The following SUZ12 variants were observed in gnomAD, a reference collection of about 807,000 sequenced individuals.
SUZ12 encodes the protein polycomb protein SUZ12.
SUZ12 carries 17 observed loss-of-function variants against 87.3 expected under a neutral mutation model. The observed-to-expected ratio is 0.19, with a 90% confidence interval of 0.13 to 0.29. The LOEUF (loss-of-function observed/expected upper bound fraction) is 0.29. Ranked by LOEUF, SUZ12 falls within the 10% of genes least tolerant of loss-of-function variation. The probability of loss-of-function intolerance (pLI) is 1.00; values close to 1 mark genes in which losing one functional copy is unlikely to be tolerated. For synonymous variants in SUZ12, 253 were observed against 312.4 expected (o/e 0.81, Z 2.01); for missense variants, 526 against 912.2 (o/e 0.58, Z 5.45).
chr17:31,967,782 C>T (rs938011739), intron 5 of SUZ12, among the ~76,000 whole-genome samples: 7 of 152,174 alleles, frequency 4.6e-5, no homozygotes, highest in Admixed American at 2.6e-4. Context: ...GGCAGGATGG[C>T]GTAAGCTCAG....
At chr17:31,941,183 G>C (rs1490200032) in intron 3 of SUZ12, among the ~76,000 whole-genome samples, 1 of 148,504 alleles carries the variant, frequency 6.7e-6, no homozygotes, top group African/African-American at 2.5e-5. Flanking sequence ...CTCACTGCAA[G>C]CTCCGCCTCC....
chr17:31,937,106 T>A lies in SUZ12; in HGVS notation c.-141T>A. ...CTCCTTCCCTCCTCTCCTCCTCCCT[T>A]CCCTTCCCCTCTCCTCCCCTCTCTC... On this transcript the variant is annotated 5_prime_UTR_variant, in exon 1 of 16. Transcript: ENST00000322652. 1 of 681,820 alleles carries A rather than the reference T, an allele frequency of 1.5e-6. No individual in the cohort carries two copies. The highest frequency in any genetic ancestry group is 2.2e-6 in the Non-Finnish European group (1 of 462,290). The allele number at this position is 681,820 out of a possible 1,614,324, so 42.2% of individuals were successfully genotyped here.
At chr17:31,989,973 T>G (rs1435039235) in intron 10 of SUZ12, among the ~76,000 whole-genome samples, 2 of 144,402 alleles carry the variant, frequency 1.4e-5, no homozygotes, top group Non-Finnish European at 3.0e-5. Flanking sequence ...TTTGTTGTTT[T>G]CTTTTTTGAG....
chr17:31,942,444 T>C (rs1906357868), intron 3 of SUZ12, among the ~76,000 whole-genome samples: 1 of 152,110 alleles, frequency 6.6e-6, no homozygotes, highest in African/African-American at 2.4e-5. Context: ...CAAGGGATTA[T>C]CCTGTCTCAG....
chr17:31,996,340 T>TG (rs1266570937), intron 14 of SUZ12, among the ~76,000 whole-genome samples: 4 of 152,084 alleles, frequency 2.6e-5, no homozygotes, highest in African/African-American at 9.7e-5. Flanking sequence ...TGACGGCAGG[T>TG]GTGCTGGCTC....
At position 31,947,623 on chromosome 17, in the gene SUZ12, A is replaced by G. The variant is rs763335819; in HGVS notation, c.393A>G (p.Thr131=). The change falls in exon 4 of 16, where the codon ACA becomes ACG. Residue 131 remains threonine, a synonymous_variant. Coordinates refer to ENST00000322652, the MANE Select transcript of SUZ12 (RefSeq NM_015355.4). ...RNSRTNIKRK[T]FKVDDMLSKV... Reference sequence around the variant, plus strand: ...GTTTATCTGTTTCTTCCAGGAAAACATTTAAAGTTGATGATATGTTATCAA... The same window carrying G: ...GTTTATCTGTTTCTTCCAGGAAAACGTTTAAAGTTGATGATATGTTATCAA... 1.8e-5 allele frequency: 28 copies of G among 1,599,430 alleles called. No homozygotes were observed. The highest frequency in any genetic ancestry group is 2.3e-5 in the Non-Finnish European group (27 of 1,172,514).
chr17:31,998,614 A>G, intron 15 of SUZ12, 44 bp from the exon 16 acceptor site: 2 of 1,421,190 alleles, frequency 1.4e-6, no homozygotes, highest in Non-Finnish European at 1.9e-6. Flanking sequence ...GCATTTGACA[A>G]AAATGCTTTG....
Position 31,940,459 on chromosome 17 carries a change from A to T in SUZ12, c.359A>T (p.His120Leu), listed in dbSNP as rs1906204062. ...CACAGAACTCTTACTTACATGTCTCATCGAAACTCCAGAACAAACATCAAA... is the reference window on the plus strand; with the variant it reads ...CACAGAACTCTTACTTACATGTCTCTTCGAAACTCCAGAACAAACATCAAA... ...FLHRTLTYMS[H>L]RNSRTNIKRK... The change falls in exon 3 of 16, where the codon CAT becomes CTT. Residue 120 changes from histidine to leucine, a missense_variant. Around this residue, in one of 9 missense-constraint regions of SUZ12, gnomAD observed 49 missense variants for 73.2 expected, o/e 0.67. Coordinates refer to ENST00000322652, the MANE Select transcript of SUZ12 (RefSeq NM_015355.4). 1 of 1,591,636 alleles carries T rather than the reference A, an allele frequency of 6.3e-7. No homozygotes were observed. Among genetic ancestry groups the T allele is most frequent in the East Asian group, 2.2e-5 (1 of 44,496 alleles).
chr17:31,964,943 T>C (rs1282897481), intron 4 of SUZ12, among the ~76,000 whole-genome samples: 1 of 151,862 alleles, frequency 6.6e-6, no homozygotes, highest in African/African-American at 2.4e-5. Context: ...GATTGCGCCA[T>C]TGCACTCCAA....
At position 31,975,508 on chromosome 17, in the gene SUZ12, T is replaced by G; in HGVS notation, c.618T>G (p.Val206=). The change falls in exon 7 of 16, where the codon GTT becomes GTG. Residue 206 remains valine (V), a synonymous_variant. Transcript: ENST00000322652. ...RKDVSCPIRQ[V]PTGKKQVPLN... ...ATGTAAGTTGTCCAATAAGGCAAGT[T>G]CCCACAGGTAAAAAGCAGGTGCCTT... 6.2e-7 allele frequency: 1 copy of G among 1,613,656 alleles called. No homozygotes were observed. The highest frequency in any genetic ancestry group is 8.5e-7 in the Non-Finnish European group (1 of 1,179,736).
Position 31,937,336 on chromosome 17 carries a change from G to A in SUZ12, c.90G>A (p.Ala30=). ...SGGGGFGGSA[A]VAAATASGGK... The stretch of plus-strand genomic sequence containing the variant: ...GAGGCGGCTTCGGGGGTTCGGCGGC[G>A]GTGGCGGCGGCGACGGCTTCGGGCG... The change falls in exon 1 of 16, where the codon GCG becomes GCA. Residue 30 remains alanine (A), a synonymous_variant. Coordinates refer to ENST00000322652, the MANE Select transcript of SUZ12 (RefSeq NM_015355.4). The A allele has an allele frequency of 1.4e-6, 2 of 1,473,744 alleles. No individual in the cohort carries two copies. Among genetic ancestry groups the A allele is most frequent in the South Asian group, 2.6e-5 (2 of 76,306 alleles). 91.3% of individuals were successfully genotyped at this position (1,473,744 alleles called of 1,614,324 possible). A position where few individuals can be genotyped will look rare whatever the true frequency, so the allele number is the denominator to read the frequency against.
intron 4 of SUZ12, among the ~76,000 whole-genome samples, chr17:31,952,595 C>G (rs1010340175): frequency 1.1e-4 from 16 of 152,078 alleles, no homozygotes; most frequent in African/African-American, 3.9e-4. Flanking sequence ...TGGAATGTGG[C>G]TTTGTCGCTC....
intron 10 of SUZ12, among the ~76,000 whole-genome samples, chr17:31,989,690 C>T (rs1005216510): frequency 1.3e-5 from 2 of 151,978 alleles, no homozygotes; most frequent in Non-Finnish European, 2.9e-5. Flanking sequence ...GCTCTGCCTC[C>T]CTGGTTCATG....
At chr17:31,955,759 C>G (rs528442662) in intron 4 of SUZ12, among the ~76,000 whole-genome samples, 1 of 151,808 alleles carries the variant, frequency 6.6e-6, no homozygotes, top group East Asian at 2.0e-4. Flanking sequence ...AAAAAACTTA[C>G]AGTAGAGATC....
Position 31,982,848 on chromosome 17 carries a change from T to C in SUZ12, c.918-151T>C. ...TCATTAAAATTGCTTTCATCAGGAC[T>C]GGAGTGTAGCTGTATTTTTAAAATC... On this transcript the variant is annotated intron_variant, in intron 8 of 15. Coordinates refer to ENST00000322652, the MANE Select transcript of SUZ12 (RefSeq NM_015355.4). 3 of 1,051,478 alleles carry C rather than the reference T, an allele frequency of 2.9e-6. No homozygotes were observed. In the South Asian group the frequency reaches 5.6e-5, roughly 20 times the overall value. 65.1% of individuals were successfully genotyped at this position (1,051,478 alleles called of 1,614,324 possible).
At chr17:31,981,377 G>A (rs1909093015) in intron 8 of SUZ12, among the ~76,000 whole-genome samples, 2 of 152,168 alleles carry the variant, frequency 1.3e-5, no homozygotes, top group Non-Finnish European at 2.9e-5. Flanking sequence ...AGTACACTGA[G>A]ATGCGTTTTT....
At position 31,947,652 on chromosome 17, in the gene SUZ12, T is replaced by C. The variant is rs780070752; in HGVS notation, c.422T>C (p.Val141Ala). 2.4e-5 allele frequency: 39 copies of C among 1,605,826 alleles called. No homozygotes were observed. Among genetic ancestry groups the C allele is most frequent in the Non-Finnish European group, 3.2e-5 (38 of 1,174,706 alleles). Residue 141 changes from valine (V) to alanine (A), a missense_variant, in exon 4 of 16, where the codon GTA becomes GCA. Val to Ala is a moderately conservative substitution (Grantham distance 64). Transcript: ENST00000322652. ...AAAGTTGATGATATGTTATCAAAAG[T>C]AGAGAAAATGAAAGGAGAGCAAGAA... ...TFKVDDMLSK[V>A]EKMKGEQESH...
At chr17:31,994,790 C>G in intron 13 of SUZ12, 69 bp downstream of exon 13, 1 of 1,510,156 alleles carries the variant, frequency 6.6e-7, no homozygotes, top group South Asian at 1.3e-5. Context: ...AACAAAGGAG[C>G]CAGATGAAGC....
chr17:31,996,853 G>A lies in SUZ12; in HGVS notation c.1850G>A (p.Trp617Ter). ...NEGEKEVMKL[W>*]NLHVMKHGFI... Reference sequence around the variant, plus strand: ...GGAGAGAAAGAAGTGATGAAACTCTGGAATCTCCATGTCATGAAGCATGGG... The same window carrying A: ...GGAGAGAAAGAAGTGATGAAACTCTAGAATCTCCATGTCATGAAGCATGGG... The change falls in exon 15 of 16, where the codon TGG (tryptophan) becomes TAG (stop). Residue 617 changes from tryptophan (W) to a stop codon, truncating the protein, a stop_gained. Transcript: ENST00000322652. LOFTEE classifies it high-confidence loss of function. 6.5e-7 allele frequency: 1 copy of A among 1,540,300 alleles called. No homozygotes were observed. The highest frequency in any genetic ancestry group is 2.3e-5 in the Admixed American group (1 of 43,560).
Sources: allele counts gnomAD v4.1 joint callset (sites outside exome capture counted in the v4.1 genomes callset), GRCh38; gene constraint gnomAD v4.1.1; regional missense constraint gnomAD v4.1.1; transcripts MANE v1.5; gene names NCBI Gene and HGNC (gene_info 2026-07-23, HGNC 2026-07-21).